The following MAP3K5 variants were observed in gnomAD, a reference collection of about 807,000 sequenced individuals.
MAP3K5 encodes ASK-1.
Under a neutral mutation model 158.7 loss-of-function variants are expected in MAP3K5, and 56 were observed. The ratio of observed to expected loss-of-function variants is 0.35; its 90% CI spans 0.28 to 0.44. The LOEUF (loss-of-function observed/expected upper bound fraction) is 0.44, where lower values mean the gene tolerates loss of function less well. MAP3K5 is among the 20% of genes least tolerant of loss of function. MAP3K5 has a pLI of 1.00. For missense variants in MAP3K5, 1,294 were observed against 1,674.8 expected, an observed-to-expected ratio of 0.77 and a Z score of 3.97; for synonymous variants, 579 against 601.7, an observed-to-expected ratio of 0.96 and a Z score of 0.55.
At chr6:136,742,110 C>T (rs1026365738) in intron 1 of MAP3K5, among the ~76,000 whole-genome samples, 2 of 152,260 alleles carry the variant, frequency 1.3e-5, no homozygotes, top group Non-Finnish European at 2.9e-5. Context: ...CAAGCAAAAT[C>T]CCAGCAAGTT....
At chr6:136,651,405 C>T (rs753345448) in intron 10 of MAP3K5, among the ~76,000 whole-genome samples, 18 of 152,130 alleles carry the variant, frequency 1.2e-4, no homozygotes, top group African/African-American at 4.1e-4. Flanking sequence ...TTTAAAAAAT[C>T]TTCTATTTTA....
At position 136,560,950 on chromosome 6, in the gene MAP3K5, T is replaced by TATAAAATAAA. The variant is rs375236222; in HGVS notation, c.3987+573_3987+582dup. ...GAGCGAGACCTTGTCTCCAAAAAAATATAAAATAAAATAAAATAAAATAAA... is the reference window on the plus strand; with the variant it reads ...GAGCGAGACCTTGTCTCCAAAAAAATATAAAATAAAATAAAATAAAATAAAATAAAATAAA... On this transcript the variant is annotated intron_variant, in intron 28 of 29. Coordinates refer to ENST00000359015, the MANE Select transcript of MAP3K5 (RefSeq NM_005923.4). 7.1e-3 allele frequency among the ~76,000 whole-genome samples: 1,033 copies of TATAAAATAAA among 144,766 alleles called. 13 individuals are homozygous for TATAAAATAAA. The highest frequency in any genetic ancestry group is 0.019 in the African/African-American group (723 of 38,034). 95.0% of individuals were successfully genotyped at this position (144,766 alleles called of 152,430 possible).
In MAP3K5 at chr6:136,648,660, T is replaced by C. The variant is rs866305518; in HGVS notation, c.1788+2324A>G. On this transcript the variant is annotated intron_variant, in intron 11 of 29. Coordinates refer to ENST00000359015, the MANE Select transcript of MAP3K5 (RefSeq NM_005923.4). ...AAATAACATGCATTCTGGGTGCTGC[T>C]TAGTATCTATTCATTTTAAACACAA... 3.3e-5 allele frequency among the ~76,000 whole-genome samples: 5 copies of C among 152,332 alleles called. 1 individual carries two copies. In the Middle Eastern group the frequency reaches 0.01, roughly 311 times the overall value.
chr6:136,633,421 A>G (rs1265833881), intron 14 of MAP3K5, among the ~76,000 whole-genome samples: 1 of 144,606 alleles, frequency 6.9e-6, no homozygotes, highest in Non-Finnish European at 1.5e-5. Context: ...TAAAATAAAT[A>G]TATGTATATA....
rs1562529178 is a variant in MAP3K5, at chr6:136,592,026, CCTT to C, written c.3225+144_3225+146del. On this transcript the variant is annotated intron_variant, in intron 23 of 29. Transcript: ENST00000359015. ...AATATATTCCCTACCATAGGGTTTG[CCTT>C]CTTTTTTCCTGTGGGGTAGGTTTAT... The C allele has an allele frequency of 1.2e-5, 7 of 583,172 alleles. No individual in the cohort carries two copies. In the South Asian group the frequency reaches 2.8e-4, roughly 23 times the overall value. The allele number at this position is 583,172 out of a possible 1,614,324, so 36.1% of individuals were successfully genotyped here.
chr6:136,573,089 T>A (rs1431406523), intron 25 of MAP3K5, among the ~76,000 whole-genome samples: 1 of 152,226 alleles, frequency 6.6e-6, no homozygotes, highest in Non-Finnish European at 1.5e-5. Flanking sequence ...TTTGGATGTG[T>A]CTGTGAGGGG....
intron 19 of MAP3K5, among the ~76,000 whole-genome samples, chr6:136,602,525 A>T (rs1396318931): frequency 6.6e-6 from 1 of 151,974 alleles, no homozygotes; most frequent in East Asian, 1.9e-4. Flanking sequence ...GGCTGGTCCA[A>T]ACTCCTGGGC....
In MAP3K5 at chr6:136,694,175, GA is replaced by G; in HGVS notation, c.1217del (p.Phe406SerfsTer52). On this transcript the variant is annotated frameshift_variant, in exon 7 of 30. Transcript: ENST00000359015. LOFTEE classifies it high-confidence loss of function. ...IYKDMFLDSN[F>X]TDTESRDHGA... ...CATGGTCTCTGCTTTCAGTGTCCGT[GA>G]AATTAGAGTCCAAAAACATATCTTT... The G allele has an allele frequency of 6.2e-7, 1 of 1,613,536 alleles. No homozygotes were observed. The highest frequency in any genetic ancestry group is 1.1e-5 in the South Asian group (1 of 90,986).
chr6:136,652,038 C>G (rs1158952785), intron 10 of MAP3K5, among the ~76,000 whole-genome samples: 2 of 152,114 alleles, frequency 1.3e-5, no homozygotes, highest in Non-Finnish European at 2.9e-5. Flanking sequence ...GCTTAACACT[C>G]AAGAAAATTA....
rs987048850 is a variant in MAP3K5, at chr6:136,557,633, G to GAGT, written c.*122_*124dup. ...TGTCTGTTTTTTTTTTTTTTAACAT[G>GAGT]AGTAAACAAATACTGGATTTAAAGT... is the stretch of plus-strand genomic sequence containing the variant. On this transcript the variant is annotated 3_prime_UTR_variant, in exon 30 of 30. Transcript: ENST00000359015. The GAGT allele has an allele frequency of 1.3e-5, 7 of 523,712 alleles. No homozygotes were observed. In the African/African-American group the frequency reaches 1.4e-4, roughly 11 times the overall value. 32.4% of individuals were successfully genotyped at this position (523,712 alleles called of 1,614,324 possible).
chr6:136,789,462 T>G (rs1021754167), intron 1 of MAP3K5, among the ~76,000 whole-genome samples: 2 of 152,134 alleles, frequency 1.3e-5, no homozygotes, highest in Non-Finnish European at 2.9e-5. Flanking sequence ...AACTGAGACC[T>G]GTCTAGGTTG....
chr6:136,575,697 T>C (rs916151260), intron 25 of MAP3K5, among the ~76,000 whole-genome samples: 63 of 152,198 alleles, frequency 4.1e-4, no homozygotes, highest in African/African-American at 1.3e-3. Context: ...CGTCTTCTTG[T>C]GATTAGGTTG....
chr6:136,664,856 G>C (rs1779159391), intron 8 of MAP3K5, among the ~76,000 whole-genome samples: 1 of 152,272 alleles, frequency 6.6e-6, no homozygotes, highest in African/African-American at 2.4e-5. Flanking sequence ...GCTTGAACCT[G>C]GGAGGTGGAG....
At chr6:136,705,588 G>A (rs780896673) in intron 2 of MAP3K5, among the ~76,000 whole-genome samples, 6 of 152,144 alleles carry the variant, frequency 3.9e-5, no homozygotes, top group East Asian at 3.8e-4. Flanking sequence ...TTACAGGTGC[G>A]AGCCACGATG....
chr6:136,781,048 T>C (rs960215561), intron 1 of MAP3K5, among the ~76,000 whole-genome samples: 1 of 152,134 alleles, frequency 6.6e-6, no homozygotes, highest in African/African-American at 2.4e-5. Flanking sequence ...ATTTAATTAG[T>C]AGGAATATGC....
At chr6:136,724,021 C>G (rs894320286) in intron 1 of MAP3K5, among the ~76,000 whole-genome samples, 1 of 152,142 alleles carries the variant, frequency 6.6e-6, no homozygotes, top group East Asian at 1.9e-4. Context: ...AGCCACTCAG[C>G]AGTCAATCAC....
chr6:136,636,321 TACCAGC>T (rs1777633368), intron 14 of MAP3K5, among the ~76,000 whole-genome samples: 2 of 152,288 alleles, frequency 1.3e-5, no homozygotes, highest in Admixed American at 6.5e-5. Context: ...ACACTGAATC[TACCAGC>T]ACCCTGATCT....
chr6:136,702,968 T>C (rs546687067), intron 3 of MAP3K5, among the ~76,000 whole-genome samples: 35 of 152,340 alleles, frequency 2.3e-4, no homozygotes, highest in South Asian at 1.2e-3. Context: ...AGTGCTGGGA[T>C]TACAGGCATG....
intron 7 of MAP3K5, among the ~76,000 whole-genome samples, chr6:136,673,604 T>C (rs569005578): frequency 6.7e-6 from 1 of 149,824 alleles, no homozygotes; most frequent in South Asian, 2.1e-4. Flanking sequence ...CTGAAAACAA[T>C]AATTCAATGT....
Sources: allele counts gnomAD v4.1 joint callset (sites outside exome capture counted in the v4.1 genomes callset), GRCh38; gene constraint gnomAD v4.1.1; transcripts MANE v1.5; gene names NCBI Gene and HGNC (gene_info 2026-07-23, HGNC 2026-07-21).